Variants in GLT1D1 observed in about 807,000 individuals in gnomAD.
The protein encoded by GLT1D1 is glycosyltransferase 1 domain-containing protein 1.
GLT1D1 carries 21 observed loss-of-function variants against 28.7 expected under a neutral mutation model. The ratio of observed to expected loss-of-function variants is 0.73; its 90% confidence interval spans 0.52 to 1.05. GLT1D1 has a LOEUF of 1.05. Ranked by LOEUF, GLT1D1 falls within the 50% of genes least tolerant of loss-of-function variation. The probability of loss-of-function intolerance (pLI) is 0.00; values close to 1 mark genes in which losing one functional copy is unlikely to be tolerated. For missense variants in GLT1D1, 343 were observed against 330.6 expected (o/e 1.04, Z -0.29); for synonymous variants, 147 against 124.8 (o/e 1.18, Z -1.19).
At chr12:128,926,138 C>T (rs891406049) in intron 4 of GLT1D1, among the ~76,000 whole-genome samples, 2 of 150,914 alleles carry the variant, frequency 1.3e-5, no homozygotes, top group Non-Finnish European at 2.9e-5. Flanking sequence ...TGCAGTGAGC[C>T]GAGCCGAGAT....
chr12:128,921,145 G>A (rs1872623187), intron 4 of GLT1D1, among the ~76,000 whole-genome samples: 1 of 151,386 alleles, frequency 6.6e-6, no homozygotes, highest in South Asian at 2.1e-4. Context: ...TTTGGTATGT[G>A]GAAAGTGCAC....
chr12:128,964,395 G>T (rs1450400909), intron 7 of GLT1D1, among the ~76,000 whole-genome samples: 3 of 152,248 alleles, frequency 2.0e-5, no homozygotes, highest in African/African-American at 4.8e-5. Context: ...AAACAACAAA[G>T]ACACCAATCT....
intron 4 of GLT1D1, among the ~76,000 whole-genome samples, chr12:128,899,770 T>G (rs1366583327): frequency 6.6e-6 from 1 of 152,150 alleles, no homozygotes; most frequent in Admixed American, 6.6e-5. Flanking sequence ...CAGGCTGGTC[T>G]CGAACTACTG....
intron 1 of GLT1D1, among the ~76,000 whole-genome samples, chr12:128,869,535 A>G (rs1394576414): frequency 2.6e-5 from 4 of 152,002 alleles, no homozygotes; most frequent in African/African-American, 9.7e-5. Context: ...TTTATAAAAC[A>G]TATTTGAAAT....
intron 1 of GLT1D1, among the ~76,000 whole-genome samples, chr12:128,872,144 G>C (rs909492199): frequency 1.9e-4 from 29 of 152,222 alleles, no homozygotes; most frequent in African/African-American, 6.7e-4. Flanking sequence ...AGTAGAGACA[G>C]GGTTTCACCA....
At position 128,895,458 on chromosome 12, in the gene GLT1D1, A is replaced by ATTT. The variant is rs534937317; in HGVS notation, c.324-3764_324-3762dup. Among the ~76,000 whole-genome samples the ATTT allele has an allele frequency of 7.4e-4, 102 of 137,488 alleles. 3 individuals are homozygous for ATTT. The highest frequency in any genetic ancestry group is 7.3e-3 in the Middle Eastern group (2 of 274). The allele number at this position is 137,488 out of a possible 152,430, so 90.2% of individuals were successfully genotyped here. On this transcript the variant is annotated intron_variant, in intron 3 of 7. Transcript: ENST00000281703. ...GTTTGTTGGTCAATATACAGAAGCT[A>ATTT]TTTTTTTTTTTTTTTTGAGGCAGAG...
At chr12:128,890,105 A>G (rs1868866990) in intron 3 of GLT1D1, among the ~76,000 whole-genome samples, 1 of 152,218 alleles carries the variant, frequency 6.6e-6, no homozygotes, top group Non-Finnish European at 1.5e-5. Context: ...AAGGCAAGAA[A>G]TTCCAGGCAA....
At chr12:128,922,162 C>CTGTGTGTGTGTG (rs57835879) in intron 4 of GLT1D1, among the ~76,000 whole-genome samples, 27 of 148,798 alleles carry the variant, frequency 1.8e-4, no homozygotes, top group African/African-American at 6.7e-4. Flanking sequence ...TATGTAAACT[C>CTGTGTGTGTGTG]TGTGTGTGTG....
In GLT1D1 at chr12:128,945,436, A is replaced by T. The variant is rs1423201086; in HGVS notation, c.419+67A>T. ...CCTGAGTGGCCCCTGGGTTACCTGA[A>T]CTCACATTTATCCAGTCCCAGGCAC... On this transcript the variant is annotated intron_variant, in intron 5 of 7. Coordinates refer to ENST00000281703, the MANE Select transcript of GLT1D1 (RefSeq NM_144669.3). 4.9e-6 allele frequency: 6 copies of T among 1,228,486 alleles called. No homozygotes were observed. The East Asian group carries it at 1.2e-4, about 24-fold the overall frequency. The allele number at this position is 1,228,486 out of a possible 1,614,324, so 76.1% of individuals were successfully genotyped here.
chr12:128,857,385 A>T (rs939198870), intron 1 of GLT1D1, among the ~76,000 whole-genome samples: 1 of 152,250 alleles, frequency 6.6e-6, no homozygotes, highest in African/African-American at 2.4e-5. Context: ...GTGCAGAAGC[A>T]GAATAAAGGC....
At chr12:128,870,379 T>A (rs1956651608) in intron 1 of GLT1D1, among the ~76,000 whole-genome samples, 1 of 152,192 alleles carries the variant, frequency 6.6e-6, no homozygotes, top group Non-Finnish European at 1.5e-5. Flanking sequence ...TCTGTGAATC[T>A]TGAGTCAGGC....
intron 6 of GLT1D1, among the ~76,000 whole-genome samples, chr12:128,955,486 G>C (rs936265508): frequency 1.3e-5 from 2 of 150,018 alleles, no homozygotes; most frequent in Non-Finnish European, 3.0e-5. Flanking sequence ...ATCACTGGAT[G>C]TGCACTCCAT....
At chr12:128,876,286 T>A (rs1239649781) in intron 2 of GLT1D1, among the ~76,000 whole-genome samples, 1 of 152,146 alleles carries the variant, frequency 6.6e-6, no homozygotes, top group Non-Finnish European at 1.5e-5. Flanking sequence ...ATTAAAAGTA[T>A]CATCCTTAAT....
chr12:128,976,735 G>T (rs1190992310), intron 7 of GLT1D1, among the ~76,000 whole-genome samples: 1 of 152,218 alleles, frequency 6.6e-6, no homozygotes, highest in African/African-American at 2.4e-5. Flanking sequence ...GCCCCAGCAT[G>T]CATCCTGCTC....
chr12:128,946,499 G>A (rs980813588), intron 5 of GLT1D1, among the ~76,000 whole-genome samples: 11 of 150,088 alleles, frequency 7.3e-5, no homozygotes, highest in Admixed American at 1.3e-4. Context: ...GGCACCCGCC[G>A]CTGCGCCCGG....
intron 1 of GLT1D1, among the ~76,000 whole-genome samples, chr12:128,868,662 G>A (rs1956608679): frequency 6.6e-6 from 1 of 152,104 alleles, no homozygotes; most frequent in South Asian, 2.1e-4. Context: ...GCAGTGAGTA[G>A]CTCCTCGATC....
At chr12:128,944,828 G>T (rs990614374) in intron 4 of GLT1D1, 2 of 244,332 alleles carry the variant, frequency 8.2e-6, no homozygotes, top group African/African-American at 2.3e-5. Flanking sequence ...ATAAAGTTCT[G>T]GGGTACATGT....
chr12:128,922,922 C>A (rs1275503077), intron 4 of GLT1D1, among the ~76,000 whole-genome samples: 18 of 97,610 alleles, frequency 1.8e-4, no homozygotes, highest in African/African-American at 6.0e-4. Context: ...GACTCCATCT[C>A]AAAAAAAAAA....
At chr12:128,929,145 A>AGGCCTC (rs1473979055) in intron 4 of GLT1D1, among the ~76,000 whole-genome samples, 1 of 152,220 alleles carries the variant, frequency 6.6e-6, no homozygotes, top group African/African-American at 2.4e-5. Flanking sequence ...GATGGGAAGC[A>AGGCCTC]GGCCTCGCAG....
Sources: gnomAD v4.1 joint callset for allele counts (sites outside exome capture counted in the v4.1 genomes callset) on GRCh38, gnomAD v4.1.1 for gene constraint, MANE v1.5 for transcripts, NCBI Gene and HGNC (gene_info 2026-07-23, HGNC 2026-07-21) for gene names.